Variants in IQGAP2 observed in about 807,000 individuals in gnomAD.
The protein encoded by IQGAP2 is IQ motif containing GTPase activating protein 2, also known as ras GTPase-activating-like protein IQGAP2.
In IQGAP2, 173 loss-of-function variants were observed where a neutral mutation model predicts 201.3. The ratio of observed to expected loss-of-function variants is 0.86; its 90% CI spans 0.76 to 0.98. The LOEUF (loss-of-function observed/expected upper bound fraction) is 0.98. Among genes scored for constraint, IQGAP2 ranks in the 50% least tolerant of loss-of-function variants. IQGAP2 has a pLI of 0.00. For synonymous variants in IQGAP2, 675 were observed against 673.9 expected, an observed-to-expected ratio of 1.00 and a Z score of -0.03; for missense variants, 1,687 against 1,864.8, an observed-to-expected ratio of 0.90 and a Z score of 1.76.
At chr5:76,664,463 T>C (rs1260451255) in intron 21 of IQGAP2, among the ~76,000 whole-genome samples, 3 of 152,114 alleles carry the variant, frequency 2.0e-5, no homozygotes, top group African/African-American at 7.2e-5. Flanking sequence ...AGCGGGTGGA[T>C]CAAGAGGGCA....
rs535708323 is a variant in IQGAP2, at chr5:76,412,670, A to C, written c.46+9079A>C. Among the ~76,000 whole-genome samples the C allele has an allele frequency of 5.9e-5, 9 of 152,374 alleles. No homozygotes were observed. The East Asian group carries it at 1.7e-3, about 29-fold the overall frequency. On this transcript the variant is annotated intron_variant, in intron 1 of 35. Coordinates refer to ENST00000274364, the MANE Select transcript of IQGAP2 (RefSeq NM_006633.5). ...GTATCCTGGCACTTAGAAGATACTC[A>C]GTAAATATTTGCTGTTATGACAGGT...
intron 2 of IQGAP2, among the ~76,000 whole-genome samples, chr5:76,479,945 C>G (rs1054555812): frequency 6.6e-6 from 1 of 152,074 alleles, no homozygotes; most frequent in Non-Finnish European, 1.5e-5. Flanking sequence ...TATTTTCTTA[C>G]TCCTGATGTG....
intron 1 of IQGAP2, among the ~76,000 whole-genome samples, chr5:76,422,531 G>A (rs1461340498): frequency 9.2e-5 from 14 of 152,232 alleles, no homozygotes; most frequent in Non-Finnish European, 1.9e-4. Context: ...AGTACTCTGT[G>A]TGGAGTTCCC....
rs1293739772 is a variant in IQGAP2, at chr5:76,693,405, T to G, written c.3956T>G (p.Leu1319Trp). The G allele has an allele frequency of 6.2e-7, 1 of 1,613,786 alleles. No individual in the cohort carries two copies. Among genetic ancestry groups the G allele is most frequent in the Non-Finnish European group, 8.5e-7 (1 of 1,179,836 alleles). Residue 1319 changes from leucine (L) to tryptophan (W), a missense_variant, in exon 31 of 36, where the codon TTG becomes TGG. Coordinates refer to ENST00000274364, the MANE Select transcript of IQGAP2 (RefSeq NM_006633.5). ...ATCCGGAACCAGCCAGGGAACACAT[T>G]GACAGAAATCTTAGAGACACCAGCA... Reference protein sequence around the residue: ...DVIRNQPGNTLTEILETPATA... With the variant: ...DVIRNQPGNTWTEILETPATA...
intron 2 of IQGAP2, among the ~76,000 whole-genome samples, chr5:76,486,962 C>G (rs1458671519): frequency 6.6e-6 from 1 of 152,020 alleles, no homozygotes; most frequent in African/African-American, 2.4e-5. Context: ...TTTTAGTCAC[C>G]TGCATTTATC....
At chr5:76,661,233 T>TA (rs11397773) in intron 21 of IQGAP2, among the ~76,000 whole-genome samples, 122,135 of 152,044 alleles carry the variant, frequency 0.8, 49,689 homozygotes, top group African/African-American at 0.87. Flanking sequence ...ATAGTTCTTT[T>TA]AAATCAGCAT....
intron 1 of IQGAP2, chr5:76,404,538 G>A: frequency 1.0e-6 from 1 of 977,964 alleles, no homozygotes; most frequent in Non-Finnish European, 1.2e-6. Context: ...AGAGGTACCA[G>A]GTTTGGGTTA....
intron 32 of IQGAP2, among the ~76,000 whole-genome samples, chr5:76,696,041 A>G (rs1182123746): frequency 1.3e-5 from 2 of 151,898 alleles, no homozygotes. Context: ...GGGTTTCACC[A>G]TGCTGGCCAG....
At chr5:76,559,071 T>C (rs1744149039) in intron 2 of IQGAP2, among the ~76,000 whole-genome samples, 1 of 152,106 alleles carries the variant, frequency 6.6e-6, no homozygotes, top group African/African-American at 2.4e-5. Context: ...CGGCTAATTT[T>C]TTTGTATTTT....
intron 1 of IQGAP2, among the ~76,000 whole-genome samples, chr5:76,411,805 T>A (rs967914597): frequency 1.2e-4 from 19 of 152,204 alleles, no homozygotes; most frequent in African/African-American, 4.1e-4. Context: ...TGGAAAAGTT[T>A]AAAATCTCCA....
intron 17 of IQGAP2, among the ~76,000 whole-genome samples, chr5:76,643,704 T>C (rs532195682): frequency 6.6e-5 from 10 of 152,282 alleles, no homozygotes; most frequent in Middle Eastern, 3.4e-3. Flanking sequence ...GACATAATAG[T>C]GGCAAACACC....
At chr5:76,497,075 A>T (rs1475002559) in intron 2 of IQGAP2, among the ~76,000 whole-genome samples, 1 of 151,892 alleles carries the variant, frequency 6.6e-6, no homozygotes, top group Admixed American at 6.6e-5. Context: ...TGATCCACCC[A>T]CCTCAGCCTC....
chr5:76,584,416 G>A (rs763154924), intron 5 of IQGAP2, among the ~76,000 whole-genome samples: 1 of 152,130 alleles, frequency 6.6e-6, no homozygotes, highest in Non-Finnish European at 1.5e-5. Context: ...GACAGAATTC[G>A]ATTGACTGAG....
intron 2 of IQGAP2, among the ~76,000 whole-genome samples, chr5:76,527,402 C>T (rs111891513): frequency 6.6e-6 from 1 of 152,232 alleles, no homozygotes; most frequent in Non-Finnish European, 1.5e-5. Flanking sequence ...CTTCATTAGC[C>T]CTGCACTTCT....
At chr5:76,573,354 T>C (rs138218054) in intron 4 of IQGAP2, among the ~76,000 whole-genome samples, 66 of 152,362 alleles carry the variant, frequency 4.3e-4, no homozygotes, top group African/African-American at 1.4e-3. Flanking sequence ...CTTTGATGTA[T>C]CATATTTAAC....
intron 13 of IQGAP2, among the ~76,000 whole-genome samples, chr5:76,624,946 C>T (rs1053994482): frequency 1.1e-4 from 16 of 152,084 alleles, no homozygotes; most frequent in Non-Finnish European, 1.8e-4. Flanking sequence ...TGGTGGCGGG[C>T]GCCTGTTATC....
intron 12 of IQGAP2, 64 bp from the exon 13 acceptor site, chr5:76,610,956 G>A (rs192872207): frequency 8.8e-6 from 12 of 1,365,876 alleles, no homozygotes; most frequent in Admixed American, 4.2e-5. Flanking sequence ...TTTTGCAATC[G>A]GTGATACTAA....
At chr5:76,501,533 C>T (rs1391412840) in intron 2 of IQGAP2, among the ~76,000 whole-genome samples, 1 of 151,972 alleles carries the variant, frequency 6.6e-6, no homozygotes, top group East Asian at 1.9e-4. Flanking sequence ...GGTGTTCCCC[C>T]TTATCCTCCC....
intron 13 of IQGAP2, among the ~76,000 whole-genome samples, chr5:76,622,484 G>T (rs1470555883): frequency 6.6e-6 from 1 of 152,132 alleles, no homozygotes; most frequent in Non-Finnish European, 1.5e-5. Context: ...GTTGACTGGA[G>T]TGTGTGACCT....
Sources: allele counts gnomAD v4.1 joint callset (sites outside exome capture counted in the v4.1 genomes callset), GRCh38; gene constraint gnomAD v4.1.1; transcripts MANE v1.5; gene names NCBI Gene and HGNC (gene_info 2026-07-23, HGNC 2026-07-21).